Variants in IFNAR2 observed in about 807,000 individuals in gnomAD.
IFNAR2 encodes interferon alpha and beta receptor subunit 2.
IFNAR2 carries 30 observed loss-of-function variants against 49.4 expected under a neutral mutation model. The ratio of observed to expected loss-of-function variants is 0.61; its 90% confidence interval spans 0.45 to 0.82. IFNAR2 has a LOEUF of 0.82. IFNAR2 is among the 40% of genes least tolerant of loss of function. The probability of loss-of-function intolerance (pLI) is 0.00; values close to 1 mark genes in which losing one functional copy is unlikely to be tolerated. For synonymous variants in IFNAR2, 224 were observed against 234.5 expected (o/e 0.96, Z 0.41); for missense variants, 600 against 622.7 (o/e 0.96, Z 0.39).
At chr21:33,232,975 T>G in intron 1 of IFNAR2, 1 of 978,908 alleles carries the variant, frequency 1.0e-6, no homozygotes, top group Non-Finnish European at 1.2e-6. Flanking sequence ...CAAGACGTCT[T>G]ACTAAAAACA....
At position 33,264,430 on chromosome 21, in the gene IFNAR2, C is replaced by A. The variant is rs1299298033; in HGVS notation, c.*930C>A. 1 of 151,624 alleles carries A rather than the reference C, an allele frequency of 6.6e-6. No homozygotes were observed. Among genetic ancestry groups the A allele is most frequent in the Non-Finnish European group, 1.5e-5 (1 of 67,974 alleles). The allele number at this position is 151,624 out of a possible 1,614,324, so 9.4% of individuals were successfully genotyped here. ...CCCCAGTTAAAGTGGGGAAGACAGA[C>A]TTTAGGATCACGTGTGTGACTAATA... On this transcript the variant is annotated 3_prime_UTR_variant, in exon 9 of 9. Transcript: ENST00000342136.
At position 33,260,201 on chromosome 21, in the gene IFNAR2, T is replaced by G. The variant is rs368390626; in HGVS notation, c.710-396T>G. On this transcript the variant is annotated intron_variant, in intron 7 of 8. Coordinates refer to ENST00000342136, the MANE Select transcript of IFNAR2 (RefSeq NM_001289125.3). Reference sequence around the variant, plus strand: ...TTGGTTGTTTTCAAGCAAACTTTCCTTCCCCACTTCTTCCTGCCCGCAGCG... The same window carrying G: ...TTGGTTGTTTTCAAGCAAACTTTCCGTCCCCACTTCTTCCTGCCCGCAGCG... 2.0e-5 allele frequency among the ~76,000 whole-genome samples: 3 copies of G among 152,318 alleles called. No individual in the cohort carries two copies. In the East Asian group the frequency reaches 5.8e-4, roughly 29 times the overall value.
At position 33,232,524 on chromosome 21, in the gene IFNAR2, T is replaced by A. The variant is rs1986139446; in HGVS notation, c.-84+2308T>A. On this transcript the variant is annotated intron_variant, in intron 1 of 8. Coordinates refer to ENST00000342136, the MANE Select transcript of IFNAR2 (RefSeq NM_001289125.3). ...GATATCCATCAGCATTGTCATTGGT[T>A]TTCATTTGTTTGTTTTTAATTCTCA... Among the ~76,000 whole-genome samples, 3 of 152,084 alleles carry A rather than the reference T, an allele frequency of 2.0e-5. No individual in the cohort carries two copies. In the South Asian group the frequency reaches 6.2e-4, roughly 32 times the overall value.
chr21:33,231,358 A>G (rs538045474), intron 1 of IFNAR2, among the ~76,000 whole-genome samples: 1 of 152,244 alleles, frequency 6.6e-6, no homozygotes, highest in Non-Finnish European at 1.5e-5. Flanking sequence ...TGTAAGTTCT[A>G]TTGTTCATAA....
rs141430982 is a variant in IFNAR2 at position 33,263,398 on chromosome 21, C to T, written c.1446C>T (p.Pro482=). Residue 482 remains proline (P), a synonymous_variant, in exon 9 of 9, where the codon CCC becomes CCT. Coordinates refer to ENST00000342136, the MANE Select transcript of IFNAR2 (RefSeq NM_001289125.3). ...ASGEGTQPTF[P]SPSSEGLWSE... ...GGGAAGGGACACAGCCAACCTTTCC[C>T]AGCCCCTCTTCAGAGGGCCTGTGGT... 1,779 of 1,614,134 alleles carry T rather than the reference C, an allele frequency of 1.1e-3. 41 individuals are homozygous for T. The South Asian group carries it at 0.018, about 16-fold the overall frequency.
intron 5 of IFNAR2, among the ~76,000 whole-genome samples, chr21:33,248,431 G>A (rs1472388673): frequency 6.6e-6 from 1 of 151,638 alleles, no homozygotes; most frequent in African/African-American, 2.4e-5. Flanking sequence ...AAGAAAGAAA[G>A]AAATTATTAA....
At chr21:33,254,864 G>A (rs1988102501) in intron 7 of IFNAR2, among the ~76,000 whole-genome samples, 1 of 152,150 alleles carries the variant, frequency 6.6e-6, no homozygotes, top group African/African-American at 2.4e-5. Flanking sequence ...GCTGTGTCAT[G>A]GGCCATTGGT....
At chr21:33,239,446 A>G (rs191586653) in intron 1 of IFNAR2, among the ~76,000 whole-genome samples, 1 of 152,114 alleles carries the variant, frequency 6.6e-6, no homozygotes. Context: ...GATTACAGCC[A>G]TCAATGTTGT....
At chr21:33,256,231 C>CCT (rs1317179532) in intron 7 of IFNAR2, among the ~76,000 whole-genome samples, 1 of 152,166 alleles carries the variant, frequency 6.6e-6, no homozygotes, top group Non-Finnish European at 1.5e-5. Flanking sequence ...GTAACAACAT[C>CCT]CTCTCAGGTC....
chr21:33,237,286 C>T (rs1986549847), intron 1 of IFNAR2, among the ~76,000 whole-genome samples: 1 of 151,968 alleles, frequency 6.6e-6, no homozygotes, highest in African/African-American at 2.4e-5. Flanking sequence ...AATCCAAGCC[C>T]TTTGTGGGGC....
chr21:33,251,710 A>G, intron 6 of IFNAR2: 1 of 984,974 alleles, frequency 1.0e-6, no homozygotes, highest in Non-Finnish European at 1.2e-6. Flanking sequence ...TACAAAAGTT[A>G]TTATTCATGA....
At position 33,265,351 on chromosome 21, in the gene IFNAR2, A is replaced by C. The variant is rs148371628; in HGVS notation, c.*1851A>C. ...CTCTTAGGCCCCTTCAAAGGGGGAA[A>C]ACTAAAAATTATACAAGTTATAGTT... On this transcript the variant is annotated 3_prime_UTR_variant, in exon 9 of 9. Transcript: ENST00000342136. The C allele has an allele frequency of 1.3e-5, 2 of 152,384 alleles. No homozygotes were observed. Among genetic ancestry groups the C allele is most frequent in the South Asian group, 2.0e-4 (1 of 4,882 alleles). 9.4% of individuals were successfully genotyped at this position (152,384 alleles called of 1,614,324 possible).
chr21:33,243,008 C>CA lies in IFNAR2; in HGVS notation c.56-664dup, dbSNP rs1250527642. Reference sequence around the variant, plus strand: ...TTCACCATGTTGGCCATGCTGGTCTCACATTGCTGACCTCAAGTGATCCAC... The same window carrying CA: ...TTCACCATGTTGGCCATGCTGGTCTCAACATTGCTGACCTCAAGTGATCCAC... On this transcript the variant is annotated intron_variant, in intron 2 of 8. Transcript: ENST00000342136. Among the ~76,000 whole-genome samples, 5 of 151,652 alleles carry CA rather than the reference C, an allele frequency of 3.3e-5. No homozygotes were observed. The East Asian group carries it at 9.9e-4, about 30-fold the overall frequency.
At position 33,258,115 on chromosome 21, in the gene IFNAR2, G is replaced by A. The variant is rs1988333407; in HGVS notation, c.710-2482G>A. Among the ~76,000 whole-genome samples the A allele has an allele frequency of 3.9e-5, 6 of 152,260 alleles. No individual in the cohort carries two copies. The South Asian group carries it at 1.2e-3, about 32-fold the overall frequency. On this transcript the variant is annotated intron_variant, in intron 7 of 8. Coordinates refer to ENST00000342136, the MANE Select transcript of IFNAR2 (RefSeq NM_001289125.3). Reference sequence around the variant, plus strand: ...AGGTCAGGAGTTCGAGTTCAGCCTAGCCAACGTGGTAAAACCCCATCTCTA... The same window carrying A: ...AGGTCAGGAGTTCGAGTTCAGCCTAACCAACGTGGTAAAACCCCATCTCTA...
chr21:33,234,666 AG>A, intron 1 of IFNAR2: 1 of 776,730 alleles, frequency 1.3e-6, no homozygotes, highest in South Asian at 6.1e-5. Context: ...GAAAATTGGC[AG>A]GGTTTGTCTG....
intron 2 of IFNAR2, among the ~76,000 whole-genome samples, chr21:33,242,728 C>CAAAAAAAAA (rs1182507309): frequency 4.1e-5 from 2 of 48,578 alleles, no homozygotes; most frequent in African/African-American, 9.1e-5. Context: ...GACTCTGTCT[C>CAAAAAAAAA]AAAAAAAAAA....
chr21:33,246,924 C>T (rs1260197037), intron 5 of IFNAR2, 34 bp downstream of exon 5: 1 of 1,555,128 alleles, frequency 6.4e-7, no homozygotes, highest in Admixed American at 1.7e-5. Flanking sequence ...ACTTCGTCCC[C>T]ATCATCAAGA....
intron 5 of IFNAR2, 72 bp downstream of exon 5, chr21:33,246,962 A>C (rs937397801): frequency 3.7e-6 from 5 of 1,350,352 alleles, no homozygotes; most frequent in South Asian, 2.6e-5. Context: ...TCCATGAAAT[A>C]GGAGGTCTAC....
chr21:33,234,232 TAGAA>T (rs1568874513), intron 1 of IFNAR2, among the ~76,000 whole-genome samples: 1 of 151,502 alleles, frequency 6.6e-6, no homozygotes. Context: ...TGTTTATGCA[TAGAA>T]AGATCTGTGG....
Sources: gnomAD v4.1 joint callset for allele counts (sites outside exome capture counted in the v4.1 genomes callset) on GRCh38, gnomAD v4.1.1 for gene constraint, MANE v1.5 for transcripts, NCBI Gene and HGNC (gene_info 2026-07-23, HGNC 2026-07-21) for gene names.